The following PRDX4 variants were observed in gnomAD, a reference collection of about 807,000 sequenced individuals.
PRDX4 encodes the protein peroxiredoxin 4.
PRDX4 carries 12 observed loss-of-function variants against 20.5 expected under a neutral mutation model. The observed-to-expected ratio is 0.58, with a 90% CI of 0.37 to 0.95. PRDX4 has a LOEUF of 0.95. Ranked by LOEUF, PRDX4 falls within the 40% of genes least tolerant of loss-of-function variation. PRDX4 has a pLI of 0.01. For missense variants in PRDX4, 180 were observed against 207.3 expected (o/e 0.87, Z 0.81); for synonymous variants, 99 against 87.5 (o/e 1.13, Z -0.73).
intron 6 of PRDX4, among the ~76,000 whole-genome samples, chrX:23,684,551 A>T (rs1016485802): frequency 9.1e-6 from 1 of 109,964 alleles, no homozygotes; most frequent in Non-Finnish European, 1.9e-5. Flanking sequence ...CCCAGACTGG[A>T]GTGCAGTGGC....
Position 23,674,980 on chromosome X carries a change from T to TA in PRDX4, c.360-9dup, listed in dbSNP as rs752149095. 5.0e-6 allele frequency: 6 copies of TA among 1,193,646 alleles called. No individual in the cohort carries two copies. Among genetic ancestry groups the TA allele is most frequent in the East Asian group, 3.0e-5 (1 of 33,539 alleles). ...AGAATACTGAATATTTTTTTTTTTT[T>TA]ACCTTTCAGCACATTTGTGTGTCCA... On this transcript the variant is annotated splice_polypyrimidine_tract_variant and intron_variant, in intron 2 of 6. Transcript: ENST00000379341.
chrX:23,667,929 G>T (rs1281662077), intron 1 of PRDX4, 118 bp downstream of exon 1: 4 of 1,067,883 alleles, frequency 3.7e-6, no homozygotes, highest in African/African-American at 1.9e-5. Flanking sequence ...GGCCCTGGGC[G>T]GGCCTGGTTC....
In PRDX4 at chrX:23,671,297, AT is replaced by A. The variant is rs1054577403; in HGVS notation, c.242-224del. ...GAGCACATGTATTATGATATCACCA[AT>A]TTTTTTTAATATTTTTATAATTGCA... On this transcript the variant is annotated intron_variant, in intron 1 of 6. Coordinates refer to ENST00000379341, the MANE Select transcript of PRDX4 (RefSeq NM_006406.2). 4.8e-5 allele frequency: 15 copies of A among 312,333 alleles called. No individual in the cohort carries two copies. The Middle Eastern group carries it at 2.6e-3, about 54-fold the overall frequency. 25.7% of individuals were successfully genotyped at this position (312,333 alleles called of 1,213,427 possible).
At chrX:23,669,893 G>A (rs1255617497) in intron 1 of PRDX4, among the ~76,000 whole-genome samples, 2 of 106,603 alleles carry the variant, frequency 1.9e-5, no homozygotes, top group Non-Finnish European at 3.9e-5. Context: ...CTCCAGCCTG[G>A]GCGACAGACT....
chrX:23,685,866 C>A (rs757520185), intron 6 of PRDX4: 76 of 121,557 alleles, frequency 6.3e-4, no homozygotes, highest in Non-Finnish European at 1.1e-3. Context: ...AAGGTGTATT[C>A]TGGACTTTAG....
At chrX:23,681,065 T>TA (rs1275639696) in intron 4 of PRDX4, among the ~76,000 whole-genome samples, 60 of 109,649 alleles carry the variant, frequency 5.5e-4, no homozygotes, top group African/African-American at 1.8e-3. Flanking sequence ...CCATCTCTAC[T>TA]AAAAAAAATA....
chrX:23,680,825 C>T (rs1343705853), intron 4 of PRDX4, among the ~76,000 whole-genome samples: 3 of 110,968 alleles, frequency 2.7e-5, no homozygotes, highest in East Asian at 2.8e-4. Context: ...ATAAGAGGAT[C>T]GCTAGAGCCT....
At chrX:23,675,795 T>A (rs1190866818) in intron 3 of PRDX4, among the ~76,000 whole-genome samples, 1 of 111,676 alleles carries the variant, frequency 9.0e-6, no homozygotes, top group East Asian at 2.8e-4. Flanking sequence ...TTTTATAGTG[T>A]CCACAGTCTT....
chrX:23,681,755 T>C (rs948135459), intron 4 of PRDX4, among the ~76,000 whole-genome samples: 8 of 112,377 alleles, frequency 7.1e-5, no homozygotes, highest in Non-Finnish European at 1.3e-4. Context: ...AATTTTTTTG[T>C]TAAGGCCGGG....
intron 1 of PRDX4, among the ~76,000 whole-genome samples, chrX:23,668,759 A>G (rs763128688): frequency 8.9e-6 from 1 of 112,091 alleles, no homozygotes; most frequent in East Asian, 2.8e-4. Flanking sequence ...GAAAAAAGTA[A>G]TGCTTCAAAT....
At chrX:23,672,299 A>T (rs536903038) in intron 2 of PRDX4, among the ~76,000 whole-genome samples, 1 of 112,143 alleles carries the variant, frequency 8.9e-6, no homozygotes, top group South Asian at 3.7e-4. Flanking sequence ...TTCTCTAGTG[A>T]TACCATGTAA....
intron 3 of PRDX4, among the ~76,000 whole-genome samples, chrX:23,676,593 C>T (rs1441658276): frequency 9.1e-6 from 1 of 109,547 alleles, no homozygotes; most frequent in East Asian, 2.8e-4. Context: ...GAGTTCAAGA[C>T]CAGCCTGGGC....
chrX:23,686,022 G>C (rs1195016291), intron 6 of PRDX4: 3 of 429,785 alleles, frequency 7.0e-6, no homozygotes, highest in Non-Finnish European at 1.3e-5. Flanking sequence ...AAGATACCAT[G>C]AAAGCCTGGT....
intron 1 of PRDX4, among the ~76,000 whole-genome samples, chrX:23,669,719 C>T (rs769975605): frequency 5.4e-5 from 6 of 110,387 alleles, no homozygotes; most frequent in Admixed American, 3.9e-4. Context: ...GAGTTCGAGA[C>T]CAGACTGGCC....
At chrX:23,674,961 C>G (rs1268908051) in intron 2 of PRDX4, 29 bp from the exon 3 acceptor site, 6 of 1,191,154 alleles carry the variant, frequency 5.0e-6, no homozygotes, top group Non-Finnish European at 5.7e-6. Flanking sequence ...TTGGAGAATA[C>G]TGAATATTTT....
intron 1 of PRDX4, among the ~76,000 whole-genome samples, chrX:23,669,885 C>T (rs1345536403): frequency 9.3e-6 from 1 of 107,523 alleles, no homozygotes; most frequent in East Asian, 2.9e-4. Context: ...CCACTGCACT[C>T]CAGCCTGGGC....
intron 3 of PRDX4, 72 bp from the exon 4 acceptor site, chrX:23,679,093 A>G: frequency 1.8e-5 from 19 of 1,079,800 alleles, no homozygotes; most frequent in South Asian, 1.2e-4. Flanking sequence ...GTGTGCATGT[A>G]TAGAGAAAGA....
Position 23,676,053 on chromosome X carries a change from A to G in PRDX4, c.476+947A>G, listed in dbSNP as rs755659636. The stretch of plus-strand genomic sequence containing the variant: ...TGAGGCAGGAGAATCACTTGAACCC[A>G]GGAGGTGGAGGTTGCAGTGAGCCGA... On this transcript the variant is annotated intron_variant, in intron 3 of 6. Coordinates refer to ENST00000379341, the MANE Select transcript of PRDX4 (RefSeq NM_006406.2). Among the ~76,000 whole-genome samples the G allele has an allele frequency of 5.7e-5, 6 of 104,630 alleles. No individual in the cohort carries two copies. In the South Asian group the frequency reaches 2.8e-3, roughly 48 times the overall value. 90.9% of individuals were successfully genotyped at this position (104,630 alleles called of 115,157 possible).
intron 6 of PRDX4, chrX:23,685,910 A>G (rs1488164409): frequency 1.0e-5 from 2 of 193,104 alleles, no homozygotes; most frequent in South Asian, 9.3e-5. Context: ...TCCTTTTCAG[A>G]TAATTGTGAC....
Sources: gnomAD v4.1 joint callset for allele counts (sites outside exome capture counted in the v4.1 genomes callset) on GRCh38, gnomAD v4.1.1 for gene constraint, MANE v1.5 for transcripts, NCBI Gene and HGNC (gene_info 2026-07-23, HGNC 2026-07-21) for gene names.